Variants in TECRL observed in about 807,000 individuals in gnomAD.
The protein encoded by TECRL is trans-2,3-enoyl-CoA reductase like, also known as trans-2,3-enoyl-CoA reductase-like.
Under a neutral mutation model 52.8 loss-of-function variants are expected in TECRL, and 63 were observed. That is an observed-to-expected ratio of 1.19 (90% CI 0.97 to 1.47). The LOEUF is 1.47. Ranked by LOEUF, TECRL falls within the 40% of genes most tolerant of loss-of-function variation. The pLI is 0.00. For missense variants in TECRL, 482 were observed against 429.6 expected, an observed-to-expected ratio of 1.12 and a Z score of -1.08; for synonymous variants, 164 against 141.9, an observed-to-expected ratio of 1.16 and a Z score of -1.10.
Position 64,313,905 on chromosome 4 carries a change from G to A in TECRL, c.551+743C>T, listed in dbSNP as rs1319475936. Among the ~76,000 whole-genome samples, 5 of 147,426 alleles carry A rather than the reference G, an allele frequency of 3.4e-5. No individual in the cohort carries two copies. In the South Asian group the frequency reaches 8.6e-4, roughly 25 times the overall value. ...TCCCAGCACTTTGGGAAGCCGAGGC[G>A]GGCGGATCACGAGGTCAGGAGATCA... On this transcript the variant is annotated intron_variant, in intron 5 of 11. Transcript: ENST00000381210.
At chr4:64,305,023 T>TAA (rs1724245815) in intron 7 of TECRL, 143 bp downstream of exon 7, 1 of 566,970 alleles carries the variant, frequency 1.8e-6, no homozygotes, top group African/African-American at 1.9e-5. Context: ...TAGGCCTACA[T>TAA]AAACATTTAA....
At chr4:64,384,012 A>G (rs1483281) in intron 1 of TECRL, among the ~76,000 whole-genome samples, 136,216 of 152,144 alleles carry the variant, frequency 0.9, 61,691 homozygotes, top group East Asian at 1. Flanking sequence ...CGTATTGTCT[A>G]TGTGGTACTC....
intron 2 of TECRL, among the ~76,000 whole-genome samples, chr4:64,339,886 T>G (rs1483328857): frequency 6.6e-6 from 1 of 152,216 alleles, no homozygotes; most frequent in Non-Finnish European, 1.5e-5. Flanking sequence ...TCATTTCTCC[T>G]AAATTTCATG....
At chr4:64,297,118 A>G (rs1043337747) in intron 8 of TECRL, among the ~76,000 whole-genome samples, 3 of 151,548 alleles carry the variant, frequency 2.0e-5, no homozygotes, top group African/African-American at 7.2e-5. Context: ...TACATTGTAA[A>G]TTATTTTGTT....
At chr4:64,309,220 C>A (rs1451890888) in intron 6 of TECRL, among the ~76,000 whole-genome samples, 1 of 152,100 alleles carries the variant, frequency 6.6e-6, no homozygotes, top group Non-Finnish European at 1.5e-5. Context: ...TGACAAAAAA[C>A]AGGACACTTT....
intron 2 of TECRL, among the ~76,000 whole-genome samples, chr4:64,372,750 T>C (rs1722064893): frequency 1.3e-5 from 2 of 151,698 alleles, no homozygotes; most frequent in Non-Finnish European, 3.0e-5. Flanking sequence ...TCTGATAACA[T>C]ATTTTTTTTT....
At chr4:64,383,358 CT>C (rs964759003) in intron 1 of TECRL, among the ~76,000 whole-genome samples, 3 of 151,488 alleles carry the variant, frequency 2.0e-5, no homozygotes, top group South Asian at 2.1e-4. Flanking sequence ...AGTTTCTATG[CT>C]TTTTTTTGTC....
chr4:64,344,633 T>G (rs550946428), intron 2 of TECRL, among the ~76,000 whole-genome samples: 15 of 152,212 alleles, frequency 9.9e-5, no homozygotes, highest in Non-Finnish European at 2.1e-4. Context: ...AAAATTAAGG[T>G]GTAATTTAAA....
intron 8 of TECRL, among the ~76,000 whole-genome samples, chr4:64,293,269 T>C (rs1204136266): frequency 6.6e-6 from 1 of 152,124 alleles, no homozygotes; most frequent in Admixed American, 6.6e-5. Context: ...TTCAGGACCC[T>C]CTATACTCTC....
At chr4:64,368,612 C>G (rs1721777254) in intron 2 of TECRL, among the ~76,000 whole-genome samples, 1 of 151,990 alleles carries the variant, frequency 6.6e-6, no homozygotes, top group African/African-American at 2.4e-5. Flanking sequence ...TGTTTTTTAA[C>G]CCAACAAACT....
At chr4:64,342,595 G>A (rs2109535891) in intron 2 of TECRL, among the ~76,000 whole-genome samples, 1 of 152,108 alleles carries the variant, frequency 6.6e-6, no homozygotes, top group East Asian at 1.9e-4. Flanking sequence ...TTTAAAATCT[G>A]AAATTATACT....
intron 2 of TECRL, among the ~76,000 whole-genome samples, chr4:64,361,028 G>C (rs143471502): frequency 1.0e-3 from 153 of 152,208 alleles, no homozygotes; most frequent in African/African-American, 3.5e-3. Flanking sequence ...TAGACAGAGC[G>C]GGGTGGCCTT....
chr4:64,382,730 T>C (rs2109713631), intron 1 of TECRL, among the ~76,000 whole-genome samples: 1 of 152,234 alleles, frequency 6.6e-6, no homozygotes, highest in Middle Eastern at 3.4e-3. Flanking sequence ...AGGATACAAC[T>C]TATTCCTGTG....
In TECRL at chr4:64,299,987, G is replaced by T; in HGVS notation, c.761C>A (p.Ala254Asp). 6.3e-7 allele frequency: 1 copy of T among 1,579,388 alleles called. No individual in the cohort carries two copies. Among genetic ancestry groups the T allele is most frequent in the Non-Finnish European group, 8.6e-7 (1 of 1,159,740 alleles). Residue 254 changes from alanine to aspartate, a missense_variant, in exon 8 of 12, where the codon GCT (alanine) becomes GAT (aspartate). By Grantham distance (126) the Ala-to-Asp change is moderately radical. Transcript: ENST00000381210. Reference protein sequence around the residue: ...SFGNRQITVSAINFLICEAGN... With the variant: ...SFGNRQITVSDINFLICEAGN... ...TATGATACATACCAGAAAATTGATA[G>T]CAGATACTGTGATTTGCCTGTTTCC...
chr4:64,316,244 A>C (rs937910700), intron 4 of TECRL, among the ~76,000 whole-genome samples: 1 of 152,132 alleles, frequency 6.6e-6, no homozygotes, highest in South Asian at 2.1e-4. Flanking sequence ...TAAAAATGCT[A>C]ACACAGATCT....
intron 3 of TECRL, among the ~76,000 whole-genome samples, chr4:64,324,299 T>A (rs890451305): frequency 6.6e-6 from 1 of 152,080 alleles, no homozygotes; most frequent in African/African-American, 2.4e-5. Flanking sequence ...AATATTTTGT[T>A]TTATTTAAAG....
chr4:64,341,118 A>G (rs568268674), intron 2 of TECRL, among the ~76,000 whole-genome samples: 48 of 152,110 alleles, frequency 3.2e-4, no homozygotes, highest in African/African-American at 1.1e-3. Flanking sequence ...AGAGCTGAAC[A>G]CTTGTTGGGA....
At chr4:64,300,483 C>T (rs931659350) in intron 7 of TECRL, among the ~76,000 whole-genome samples, 2 of 150,308 alleles carry the variant, frequency 1.3e-5, no homozygotes, top group African/African-American at 2.4e-5. Context: ...TGATGTATTA[C>T]TTGCCTGACC....
intron 2 of TECRL, among the ~76,000 whole-genome samples, chr4:64,355,609 G>T (rs1488490843): frequency 3.3e-5 from 5 of 151,448 alleles, no homozygotes; most frequent in East Asian, 3.9e-4. Context: ...CCATCCTGGC[G>T]AACACAGTGA....
Sources: gnomAD v4.1 joint callset for allele counts (sites outside exome capture counted in the v4.1 genomes callset) on GRCh38, gnomAD v4.1.1 for gene constraint, MANE v1.5 for transcripts, NCBI Gene and HGNC (gene_info 2026-07-23, HGNC 2026-07-21) for gene names.